DHRS3: variants seen among roughly 807,000 people sequenced by gnomAD.
DHRS3 encodes dehydrogenase/reductase 3.
In DHRS3, 14 loss-of-function variants were observed where a neutral mutation model predicts 27.2. The observed-to-expected ratio is 0.52, with a 90% CI of 0.34 to 0.81. The LOEUF is 0.81. Among genes scored for constraint, DHRS3 ranks in the 30% least tolerant of loss-of-function variants. The probability of loss-of-function intolerance (pLI) is 0.01; values close to 1 mark genes in which losing one functional copy is unlikely to be tolerated. For missense variants in DHRS3, 322 were observed against 406.2 expected, an observed-to-expected ratio of 0.79 and a Z score of 1.78; for synonymous variants, 165 against 175.9, an observed-to-expected ratio of 0.94 and a Z score of 0.49.
chr1:12,606,391 T>C (rs1646871938), intron 1 of DHRS3, among the ~76,000 whole-genome samples: 3 of 151,420 alleles, frequency 2.0e-5, no homozygotes, highest in Admixed American at 2.0e-4. Flanking sequence ...AAATTAAAGT[T>C]GAACAAACTT....
intron 1 of DHRS3, among the ~76,000 whole-genome samples, chr1:12,611,024 G>T (rs954054834): frequency 6.6e-5 from 10 of 152,160 alleles, no homozygotes; most frequent in Non-Finnish European, 1.5e-4. Flanking sequence ...ACACTTCCTG[G>T]TTAGAAAGGA....
rs893961349 is a variant in DHRS3, at chr1:12,568,215, C to T, written c.*125G>A. On this transcript the variant is annotated 3_prime_UTR_variant, in exon 6 of 6. Transcript: ENST00000616661. ...CTGGCCCAGGGGCAGCCGGATTCTTCGCTGGGGACAGGAGCTGTCCTGCTC... is the reference window on the plus strand; with the variant it reads ...CTGGCCCAGGGGCAGCCGGATTCTTTGCTGGGGACAGGAGCTGTCCTGCTC... 1.6e-4 allele frequency: 151 copies of T among 923,368 alleles called. 1 individual carries two copies. The highest frequency in any genetic ancestry group is 4.6e-4 in the South Asian group (32 of 70,176). 57.2% of individuals were successfully genotyped at this position (923,368 alleles called of 1,614,324 possible).
intron 4 of DHRS3, among the ~76,000 whole-genome samples, chr1:12,577,203 C>T (rs149033342): frequency 2.3e-4 from 35 of 152,194 alleles, no homozygotes; most frequent in African/African-American, 7.0e-4. Context: ...GAGTAATTCC[C>T]GGTTTTCATT....
chr1:12,601,511 C>T (rs1180111328), intron 1 of DHRS3, among the ~76,000 whole-genome samples: 1 of 152,084 alleles, frequency 6.6e-6, no homozygotes, highest in Non-Finnish European at 1.5e-5. Flanking sequence ...AGCACTGAGC[C>T]CCTGGAGACA....
chr1:12,576,238 T>C (rs1157352909), intron 4 of DHRS3, among the ~76,000 whole-genome samples: 2 of 152,112 alleles, frequency 1.3e-5, no homozygotes, highest in African/African-American at 4.8e-5. Context: ...AATGTCCTGC[T>C]TGCTTCTGTG....
At chr1:12,598,118 G>GTC (rs1046743044) in intron 1 of DHRS3, among the ~76,000 whole-genome samples, 8 of 152,222 alleles carry the variant, frequency 5.3e-5, no homozygotes, top group Non-Finnish European at 1.2e-4. Flanking sequence ...CGCACATCCA[G>GTC]TCTCTACATG....
intron 5 of DHRS3, chr1:12,569,981 T>C (rs1054453532): frequency 2.6e-5 from 4 of 152,260 alleles, no homozygotes; most frequent in Non-Finnish European, 5.9e-5. Flanking sequence ...AAACAAATGA[T>C]GGTTAGGTGC....
chr1:12,579,516 TC>T (rs1198412851), intron 2 of DHRS3, 104 bp from the exon 3 acceptor site: 6 of 1,493,390 alleles, frequency 4.0e-6, no homozygotes, highest in Non-Finnish European at 5.4e-6. Flanking sequence ...CACTCTGTTG[TC>T]CAGGCTGGAG....
chr1:12,576,098 G>T (rs1187298290), intron 4 of DHRS3, among the ~76,000 whole-genome samples: 1 of 152,224 alleles, frequency 6.6e-6, no homozygotes, highest in Non-Finnish European at 1.5e-5. Flanking sequence ...ACAGAGCTGG[G>T]ATTTGACCCC....
At chr1:12,580,905 C>T (rs1646638592) in intron 1 of DHRS3, among the ~76,000 whole-genome samples, 1 of 152,160 alleles carries the variant, frequency 6.6e-6, no homozygotes, top group Admixed American at 6.5e-5. Context: ...TCACTGCAGC[C>T]TCAAACTCCT....
chr1:12,598,400 AT>A (rs1427633718), intron 1 of DHRS3, among the ~76,000 whole-genome samples: 1 of 152,012 alleles, frequency 6.6e-6, no homozygotes, highest in Non-Finnish European at 1.5e-5. Flanking sequence ...ACAAAAAAAA[AT>A]AACAACAGTA....
At chr1:12,582,196 C>T (rs989816389) in intron 1 of DHRS3, among the ~76,000 whole-genome samples, 5 of 152,114 alleles carry the variant, frequency 3.3e-5, no homozygotes, top group African/African-American at 7.2e-5. Flanking sequence ...TAATGGTAAC[C>T]GTTTATCCGC....
At chr1:12,570,740 A>G (rs1368284168) in intron 5 of DHRS3, among the ~76,000 whole-genome samples, 1 of 152,164 alleles carries the variant, frequency 6.6e-6, no homozygotes, top group East Asian at 1.9e-4. Flanking sequence ...CTCAGTGAGG[A>G]CCTGAGCCCC....
chr1:12,607,017 T>C (rs1190982922), intron 1 of DHRS3, among the ~76,000 whole-genome samples: 1 of 152,150 alleles, frequency 6.6e-6, no homozygotes, highest in Non-Finnish European at 1.5e-5. Context: ...GCATTTTGCT[T>C]GTTAAGTTTC....
At chr1:12,590,419 T>C (rs941008971) in intron 1 of DHRS3, among the ~76,000 whole-genome samples, 11 of 152,298 alleles carry the variant, frequency 7.2e-5, no homozygotes, top group Admixed American at 2.0e-4. Context: ...CCAGCAATTC[T>C]CCTGCCTCAG....
Position 12,586,856 on chromosome 1 carries a change from G to A in DHRS3, c.196-6190C>T, listed in dbSNP as rs1646701030. ...AAAGCACATCTCCTCTCTTCAAGGGGTCCTGTGGGGATTAAGCTGGCAGAA... is the reference window on the plus strand; with the variant it reads ...AAAGCACATCTCCTCTCTTCAAGGGATCCTGTGGGGATTAAGCTGGCAGAA... On this transcript the variant is annotated intron_variant, in intron 1 of 5. Coordinates refer to ENST00000616661, the MANE Select transcript of DHRS3 (RefSeq NM_004753.7). The surrounding 1 kb of genome is among the most constrained non-coding windows in gnomAD (Gnocchi z 5.0). Among the ~76,000 whole-genome samples, 1 of 152,124 alleles carries A rather than the reference G, an allele frequency of 6.6e-6. No individual in the cohort carries two copies. Among genetic ancestry groups the A allele is most frequent in the Non-Finnish European group, 1.5e-5 (1 of 68,030 alleles).
intron 1 of DHRS3, among the ~76,000 whole-genome samples, chr1:12,585,015 C>G (rs896112065): frequency 9.1e-5 from 13 of 143,038 alleles, no homozygotes; most frequent in Non-Finnish European, 1.8e-4. Flanking sequence ...GTGTGCATCT[C>G]TGTGTGTGTG....
chr1:12,588,416 C>T (rs1370414629), intron 1 of DHRS3, among the ~76,000 whole-genome samples: 7 of 152,244 alleles, frequency 4.6e-5, no homozygotes, highest in Admixed American at 3.3e-4. Flanking sequence ...GACAGTGACT[C>T]ACCCAAGGTC....
rs377540423 is a variant in DHRS3 at position 12,589,071 on chromosome 1, TA to T, written c.196-8406del. Among the ~76,000 whole-genome samples the T allele has an allele frequency of 1.1e-3, 168 of 152,284 alleles. 4 individuals are homozygous for T. In the East Asian group the frequency reaches 0.029, roughly 26 times the overall value. ...CCTGGCCCCTCCAGTAGGAGGCTGT[TA>T]ATAAAAATCCATCCCTGTGGTCAGA... is the stretch of plus-strand genomic sequence containing the variant. On this transcript the variant is annotated intron_variant, in intron 1 of 5. Coordinates refer to ENST00000616661, the MANE Select transcript of DHRS3 (RefSeq NM_004753.7).
Sources: allele counts gnomAD v4.1 joint callset (sites outside exome capture counted in the v4.1 genomes callset), GRCh38; gene constraint gnomAD v4.1.1; non-coding constraint Gnocchi (gnomAD v3.1); transcripts MANE v1.5; gene names NCBI Gene and HGNC (gene_info 2026-07-23, HGNC 2026-07-21).